SYNPO2: variants seen among roughly 807,000 people sequenced by gnomAD.
SYNPO2 encodes the protein synaptopodin 2.
SYNPO2 carries 56 observed loss-of-function variants against 85.0 expected under a neutral mutation model. The ratio of observed to expected loss-of-function variants is 0.66; its 90% CI spans 0.53 to 0.82. The LOEUF (loss-of-function observed/expected upper bound fraction) is 0.82. Among genes scored for constraint, SYNPO2 ranks in the 40% least tolerant of loss-of-function variants. SYNPO2 has a pLI of 0.00. For synonymous variants in SYNPO2, 602 were observed against 591.1 expected (o/e 1.02, Z -0.27); for missense variants, 1,575 against 1,534.2 (o/e 1.03, Z -0.44).
intron 1 of SYNPO2, among the ~76,000 whole-genome samples, chr4:118,962,246 G>A (rs939221055): frequency 6.6e-6 from 1 of 152,164 alleles, no homozygotes; most frequent in Non-Finnish European, 1.5e-5. Context: ...AGGAAAACAA[G>A]ATGAAACTAA....
intron 1 of SYNPO2, among the ~76,000 whole-genome samples, chr4:119,018,145 T>G (rs932071431): frequency 6.6e-6 from 1 of 152,150 alleles, no homozygotes; most frequent in Non-Finnish European, 1.5e-5. Flanking sequence ...AACAAATCTT[T>G]CCTGGCATGG....
chr4:118,970,026 G>T (rs1338965332), intron 1 of SYNPO2, among the ~76,000 whole-genome samples: 4 of 152,014 alleles, frequency 2.6e-5, no homozygotes, highest in African/African-American at 9.7e-5. Flanking sequence ...TAAAATTTCT[G>T]TTCATTGTCT....
intron 1 of SYNPO2, among the ~76,000 whole-genome samples, chr4:118,925,565 A>T (rs1733685983): frequency 6.6e-6 from 1 of 152,142 alleles, no homozygotes; most frequent in Admixed American, 6.6e-5. Context: ...ACTGGTCTGT[A>T]AGGACAGAGG....
At chr4:118,983,802 G>A (rs1356802665) in intron 1 of SYNPO2, among the ~76,000 whole-genome samples, 1 of 150,520 alleles carries the variant, frequency 6.6e-6, no homozygotes, top group Non-Finnish European at 1.5e-5. Flanking sequence ...CTTCCAACAG[G>A]ATATTTGTCA....
At chr4:118,996,966 C>T (rs561037281) in intron 1 of SYNPO2, among the ~76,000 whole-genome samples, 34 of 149,726 alleles carry the variant, frequency 2.3e-4, no homozygotes, top group African/African-American at 7.9e-4. Context: ...AAAGGCCGGG[C>T]GCGGTGGCTC....
At chr4:118,978,043 T>C (rs894510523) in intron 1 of SYNPO2, among the ~76,000 whole-genome samples, 4 of 152,262 alleles carry the variant, frequency 2.6e-5, no homozygotes, top group Admixed American at 1.3e-4. Context: ...GAGGGAATTA[T>C]ATGCTACTGT....
At chr4:118,894,862 A>G (rs1732500404) in intron 1 of SYNPO2, among the ~76,000 whole-genome samples, 3 of 152,070 alleles carry the variant, frequency 2.0e-5, no homozygotes, top group Admixed American at 6.6e-5. Context: ...AAGAAAAAGA[A>G]AGAGGAAGAA....
At chr4:118,947,493 C>G (rs1181326966) in intron 1 of SYNPO2, among the ~76,000 whole-genome samples, 1 of 152,188 alleles carries the variant, frequency 6.6e-6, no homozygotes, top group African/African-American at 2.4e-5. Flanking sequence ...CAGTTCCAGT[C>G]CTCTTAAGTT....
chr4:118,917,935 T>C (rs1278881188), intron 1 of SYNPO2, among the ~76,000 whole-genome samples: 1 of 152,220 alleles, frequency 6.6e-6, no homozygotes, highest in Non-Finnish European at 1.5e-5. Flanking sequence ...CCCTATATAC[T>C]AAATTTTTAC....
intron 1 of SYNPO2, among the ~76,000 whole-genome samples, chr4:118,872,776 T>C (rs996829321): frequency 1.5e-4 from 23 of 152,146 alleles, no homozygotes; most frequent in African/African-American, 5.5e-4. Flanking sequence ...ATACCCCTTT[T>C]TCTGGTGACA....
intron 4 of SYNPO2, among the ~76,000 whole-genome samples, chr4:119,051,460 G>A (rs1739047171): frequency 6.6e-6 from 1 of 151,754 alleles, no homozygotes; most frequent in African/African-American, 2.4e-5. Flanking sequence ...CAAAGTGCTG[G>A]GATTACAGGC....
intron 1 of SYNPO2, among the ~76,000 whole-genome samples, chr4:118,882,581 T>A (rs925526643): frequency 9.9e-5 from 15 of 152,138 alleles, no homozygotes; most frequent in Non-Finnish European, 1.9e-4. Flanking sequence ...TCATCTTCAT[T>A]ATCCTAAAAT....
intron 1 of SYNPO2, among the ~76,000 whole-genome samples, chr4:118,949,450 A>G (rs1055279160): frequency 6.6e-6 from 1 of 152,122 alleles, no homozygotes; most frequent in Non-Finnish European, 1.5e-5. Flanking sequence ...GCATCTTTAA[A>G]TTATGTTACA....
chr4:118,979,092 A>G (rs1447889396), intron 1 of SYNPO2, among the ~76,000 whole-genome samples: 1 of 152,008 alleles, frequency 6.6e-6, no homozygotes, highest in Non-Finnish European at 1.5e-5. Flanking sequence ...CGTTCTGTGC[A>G]TTTTGCTTTC....
rs748976426 is a variant in SYNPO2, at chr4:119,059,500, G to C, written c.*1566G>C. ...CTCCTTATTGCCATACCCACGAACT[G>C]TTAAATATAAAAAAATTCAAAGTAT... On this transcript the variant is annotated 3_prime_UTR_variant, in exon 5 of 5. Coordinates refer to ENST00000307142, the MANE Select transcript of SYNPO2 (RefSeq NM_133477.3). The C allele has an allele frequency of 1.3e-5, 2 of 152,020 alleles. No individual in the cohort carries two copies. The highest frequency in any genetic ancestry group is 2.9e-5 in the Non-Finnish European group (2 of 68,004). 9.4% of individuals were successfully genotyped at this position (152,020 alleles called of 1,614,324 possible).
At chr4:118,900,663 TTCTCTCTCTC>T (rs376467151) in intron 1 of SYNPO2, among the ~76,000 whole-genome samples, 156 of 77,532 alleles carry the variant, frequency 2.0e-3, no homozygotes, top group African/African-American at 7.3e-3. Context: ...TAGAATCTCT[TTCTCTCTCTC>T]TCTCTCTCTC....
chr4:118,862,008 C>T (rs1731620328), intron 1 of SYNPO2, among the ~76,000 whole-genome samples: 1 of 152,058 alleles, frequency 6.6e-6, no homozygotes, highest in African/African-American at 2.4e-5. Context: ...GGTGTGTCCT[C>T]TTCAATTTCT....
intron 1 of SYNPO2, among the ~76,000 whole-genome samples, chr4:119,002,318 C>T (rs1374907317): frequency 3.9e-5 from 6 of 151,922 alleles, no homozygotes; most frequent in African/African-American, 1.2e-4. Flanking sequence ...TGGAGTGCAA[C>T]GGCGTGATCT....
chr4:119,053,137 A>G (rs1739104659), intron 4 of SYNPO2, among the ~76,000 whole-genome samples: 1 of 152,214 alleles, frequency 6.6e-6, no homozygotes, highest in African/African-American at 2.4e-5. Flanking sequence ...CTCAGGGTAT[A>G]TCACATGGCT....
Sources: allele counts gnomAD v4.1 joint callset (sites outside exome capture counted in the v4.1 genomes callset), GRCh38; gene constraint gnomAD v4.1.1; transcripts MANE v1.5; gene names NCBI Gene and HGNC (gene_info 2026-07-23, HGNC 2026-07-21).